Variants in PLD5 observed in about 807,000 individuals in gnomAD.
PLD5 encodes the protein phospholipase D family member 5, also known as inactive phospholipase D5.
Under a neutral mutation model 61.1 loss-of-function variants are expected in PLD5, and 36 were observed. The observed-to-expected ratio is 0.59, with a 90% CI of 0.45 to 0.78. PLD5 has a LOEUF of 0.78. Ranked by LOEUF, PLD5 falls within the 30% of genes least tolerant of loss-of-function variation. The pLI, the probability that PLD5 is intolerant of heterozygous loss-of-function variation, is 0.00. For missense variants in PLD5, 515 were observed against 644.4 expected (o/e 0.80, Z 2.17); for synonymous variants, 243 against 242.8 (o/e 1.00, Z -0.01).
chr1:242,185,677 T>C (rs1667828550), intron 5 of PLD5, among the ~76,000 whole-genome samples: 1 of 152,184 alleles, frequency 6.6e-6, no homozygotes, highest in African/African-American at 2.4e-5. Flanking sequence ...ATTCCCCTAA[T>C]TAGAACTTTA....
At chr1:242,458,271 C>A (rs966644257) in intron 1 of PLD5, among the ~76,000 whole-genome samples, 4 of 152,228 alleles carry the variant, frequency 2.6e-5, no homozygotes, top group Non-Finnish European at 5.9e-5. Context: ...TCAGAAGGAA[C>A]TGTGTTATTT....
intron 5 of PLD5, among the ~76,000 whole-genome samples, chr1:242,212,164 G>A (rs908049969): frequency 2.6e-5 from 4 of 152,062 alleles, no homozygotes; most frequent in African/African-American, 9.7e-5. Flanking sequence ...CCTCAGCCCC[G>A]ATATCACCAG....
intron 1 of PLD5, among the ~76,000 whole-genome samples, chr1:242,416,989 A>C (rs1664866951): frequency 6.6e-6 from 1 of 152,148 alleles, no homozygotes; most frequent in Non-Finnish European, 1.5e-5. Flanking sequence ...TTCTTGTGAA[A>C]GATGGAAAGG....
intron 1 of PLD5, among the ~76,000 whole-genome samples, chr1:242,453,055 G>A (rs892551556): frequency 6.6e-6 from 1 of 152,208 alleles, no homozygotes; most frequent in Non-Finnish European, 1.5e-5. Flanking sequence ...AATGTTTGTG[G>A]CCCCCTCCAC....
chr1:242,470,913 C>A (rs1667431364), intron 1 of PLD5, among the ~76,000 whole-genome samples: 1 of 152,212 alleles, frequency 6.6e-6, no homozygotes. Context: ...TCAGGCGCTC[C>A]CCTTTGAGGT....
intron 5 of PLD5, among the ~76,000 whole-genome samples, chr1:242,153,494 T>G (rs1478592919): frequency 2.0e-5 from 3 of 152,226 alleles, no homozygotes; most frequent in African/African-American, 7.2e-5. Context: ...GTCTTATGTT[T>G]AACTCTTTAA....
At chr1:242,214,233 C>T (rs575644645) in intron 5 of PLD5, among the ~76,000 whole-genome samples, 1 of 152,290 alleles carries the variant, frequency 6.6e-6, no homozygotes, top group South Asian at 2.1e-4. Flanking sequence ...GTGGAGACCA[C>T]ATAATTCCAT....
intron 1 of PLD5, among the ~76,000 whole-genome samples, chr1:242,522,900 G>C (rs915213689): frequency 6.6e-6 from 1 of 152,076 alleles, no homozygotes. Flanking sequence ...CTTCATATTA[G>C]AGCTTTCAGT....
intron 4 of PLD5, among the ~76,000 whole-genome samples, chr1:242,222,769 G>T (rs1670683889): frequency 6.6e-6 from 1 of 152,172 alleles, no homozygotes; most frequent in African/African-American, 2.4e-5. Flanking sequence ...TTGCAATTTA[G>T]CTTAGAAAGT....
intron 5 of PLD5, among the ~76,000 whole-genome samples, chr1:242,216,694 G>C (rs1670223035): frequency 6.6e-6 from 1 of 152,214 alleles, no homozygotes; most frequent in Non-Finnish European, 1.5e-5. Flanking sequence ...GTGTCTGTGA[G>C]TGGCCTGGAC....
chr1:242,367,103 C>A lies in PLD5; in HGVS notation c.190-18861G>T, dbSNP rs58326708. ...TGAAAATGTTAACTGAGCACAGAGCCCTACTCTACTCCCCATCTTATAAAA... is the reference window on the plus strand; with the variant it reads ...TGAAAATGTTAACTGAGCACAGAGCACTACTCTACTCCCCATCTTATAAAA... On this transcript the variant is annotated intron_variant, in intron 1 of 9. Transcript: ENST00000536534. Among the ~76,000 whole-genome samples the A allele has an allele frequency of 8.9e-3, 1,345 of 151,670 alleles. 26 individuals are homozygous for A. Among genetic ancestry groups the A allele is most frequent in the African/African-American group, 0.031 (1,285 of 41,370 alleles).
rs1178949895 is a variant in PLD5, at chr1:242,256,443, C to A, written c.607+8894G>T. Among the ~76,000 whole-genome samples the A allele has an allele frequency of 3.3e-5, 5 of 152,162 alleles. No individual in the cohort carries two copies. The highest frequency in any genetic ancestry group is 5.9e-5 in the Non-Finnish European group (4 of 68,030). On this transcript the variant is annotated intron_variant, in intron 4 of 9. Coordinates refer to ENST00000536534, the MANE Select transcript of PLD5 (RefSeq NM_001372062.1). This position sits in a 1 kb window ranked among gnomAD's most constrained non-coding sequence, Gnocchi z 5.7. ...CTGTGGCAGTATTAAGTGGTGGGGT[C>A]TTTGGAAAGTGACTGAGTCACGAAT...
chr1:242,247,139 A>T (rs987363431), intron 4 of PLD5, among the ~76,000 whole-genome samples: 1 of 151,878 alleles, frequency 6.6e-6, no homozygotes, highest in Non-Finnish European at 1.5e-5. Flanking sequence ...GCCCGCCACC[A>T]TGCCCGGCTA....
chr1:242,380,618 C>A (rs907069263), intron 1 of PLD5, among the ~76,000 whole-genome samples: 14 of 151,032 alleles, frequency 9.3e-5, no homozygotes, highest in Non-Finnish European at 1.0e-4. Flanking sequence ...AGACAACCTA[C>A]AAAATGGAAG....
intron 1 of PLD5, among the ~76,000 whole-genome samples, chr1:242,433,928 A>G (rs1665857290): frequency 6.6e-6 from 1 of 152,172 alleles, no homozygotes; most frequent in South Asian, 2.1e-4. Flanking sequence ...AGTAAGGGAG[A>G]CTGACAGAAA....
chr1:242,156,239 G>A (rs977248077), intron 5 of PLD5, among the ~76,000 whole-genome samples: 1 of 152,158 alleles, frequency 6.6e-6, no homozygotes, highest in East Asian at 1.9e-4. Flanking sequence ...TTGAGCCTAT[G>A]TGTGTCTTTG....
At chr1:242,448,236 C>G (rs1666628725) in intron 1 of PLD5, among the ~76,000 whole-genome samples, 1 of 152,146 alleles carries the variant, frequency 6.6e-6, no homozygotes, top group South Asian at 2.1e-4. Context: ...AGGGATGGTG[C>G]ATGAAGGCAG....
At position 242,096,307 on chromosome 1, in the gene PLD5, C is replaced by T. The variant is rs371014354; in HGVS notation, c.1354+4361G>A. Among the ~76,000 whole-genome samples the T allele has an allele frequency of 3.0e-3, 452 of 151,176 alleles. 4 individuals are homozygous for T. Among genetic ancestry groups the T allele is most frequent in the African/African-American group, 0.01 (431 of 41,230 alleles). On this transcript the variant is annotated intron_variant, in intron 9 of 9. Coordinates refer to ENST00000536534, the MANE Select transcript of PLD5 (RefSeq NM_001372062.1). ...CAGAAGGTCAGAAGTATCGATCGAT[C>T]GAAAGATCGATCTCTCTCTCTCTCT...
intron 1 of PLD5, among the ~76,000 whole-genome samples, chr1:242,410,593 G>A (rs1008612820): frequency 2.0e-5 from 3 of 151,824 alleles, no homozygotes; most frequent in African/African-American, 7.3e-5. Context: ...AGGAACTAAA[G>A]AGAGTCTAAT....
Sources: gnomAD v4.1 joint callset for allele counts (sites outside exome capture counted in the v4.1 genomes callset) on GRCh38, gnomAD v4.1.1 for gene constraint, Gnocchi (gnomAD v3.1) non-coding constraint, MANE v1.5 for transcripts, NCBI Gene and HGNC (gene_info 2026-07-23, HGNC 2026-07-21) for gene names.